Variants in ABR observed in about 807,000 individuals in gnomAD.
The protein encoded by ABR is ABR activator of RhoGEF and GTPase, also known as active breakpoint cluster region-related protein.
ABR carries 35 observed loss-of-function variants against 107.2 expected under a neutral mutation model. The observed-to-expected ratio is 0.33, with a 90% CI of 0.25 to 0.43. ABR has a LOEUF of 0.43. Among genes scored for constraint, ABR ranks in the 20% least tolerant of loss-of-function variants. The probability of loss-of-function intolerance (pLI) is 1.00; values close to 1 mark genes in which losing one functional copy is unlikely to be tolerated. For synonymous variants in ABR, 498 were observed against 462.0 expected (o/e 1.08, Z -1.00); for missense variants, 815 against 1,115.2 (o/e 0.73, Z 3.83).
Position 1,010,630 on chromosome 17 carries a change from A to T in ABR, c.2236+99T>A, listed in dbSNP as rs890947766. ...AGTGCACTGGGAAGGTCAGCCAGCAAAGGAAGCCACAGATATTTCTCCTGC... is the reference window on the plus strand; with the variant it reads ...AGTGCACTGGGAAGGTCAGCCAGCATAGGAAGCCACAGATATTTCTCCTGC... On this transcript the variant is annotated intron_variant, in intron 20 of 22. Transcript: ENST00000302538. The surrounding 1 kb of genome is among the most constrained non-coding windows in gnomAD (Gnocchi z 4.1). 2 of 1,515,536 alleles carry T rather than the reference A, an allele frequency of 1.3e-6. No homozygotes were observed. Among genetic ancestry groups the T allele is most frequent in the African/African-American group, 2.7e-5 (2 of 72,980 alleles). 93.9% of individuals were successfully genotyped at this position (1,515,536 alleles called of 1,614,324 possible). A position where few individuals can be genotyped will look rare whatever the true frequency, so the allele number is the denominator to read the frequency against.
At chr17:1,161,560 T>C (rs1454408076) in intron 1 of ABR, among the ~76,000 whole-genome samples, 1 of 150,976 alleles carries the variant, frequency 6.6e-6, no homozygotes, top group African/African-American at 2.4e-5. Flanking sequence ...TCACTATTTT[T>C]TTTTTTTTTT....
intron 3 of ABR, 59 bp downstream of exon 3, chr17:1,100,578 T>A: frequency 6.6e-7 from 1 of 1,519,634 alleles, no homozygotes; most frequent in South Asian, 1.1e-5. Context: ...CTTCAGAGCA[T>A]GACATCACCC....
chr17:1,135,844 C>G (rs1395688018), intron 1 of ABR, among the ~76,000 whole-genome samples: 1 of 151,876 alleles, frequency 6.6e-6, no homozygotes, highest in Admixed American at 6.6e-5. Context: ...CCACTGCACT[C>G]CAGCCTGGGT....
Position 1,012,796 on chromosome 17 carries a change from A to G in ABR, c.1853T>C (p.Ile618Thr). ...GAATTTCATGGAAAATTCCACTTTG[A>G]TCTGGTTGGGGGGTGAGGCAGGTAA... The part of the protein sequence containing the change: ...WHTDVIEMNG[I>T]KVEFSMKFTS... Residue 618 changes from isoleucine (I) to threonine (T), a missense_variant and splice_region_variant, in exon 18 of 23, where the codon ATC becomes ACC. By Grantham distance (89) the Ile-to-Thr change is moderately conservative. This residue lies in a region of ABR where 92 missense variants were observed against 82.3 expected (regional missense o/e 1.12). Transcript: ENST00000302538. The G allele has an allele frequency of 6.3e-7, 1 of 1,577,824 alleles. No homozygotes were observed. The highest frequency in any genetic ancestry group is 1.2e-5 in the South Asian group (1 of 86,458).
intron 13 of ABR, 146 bp from the exon 14 acceptor site, chr17:1,056,255 C>A: frequency 1.4e-6 from 1 of 715,604 alleles, no homozygotes; most frequent in South Asian, 1.7e-5. Context: ...GAAAAAGTTT[C>A]CGAAGGCCAC....
chr17:1,189,114 C>T (rs62087711), upstream of ABR, among the ~76,000 whole-genome samples: 1,298 of 152,266 alleles, frequency 8.5e-3, 13 homozygotes, highest in Middle Eastern at 0.078. Context: ...ACACATGACT[C>T]GTGTTCTCCC....
At chr17:1,032,961 T>C (rs1167016995) in intron 16 of ABR, among the ~76,000 whole-genome samples, 1 of 152,138 alleles carries the variant, frequency 6.6e-6, no homozygotes, top group Non-Finnish European at 1.5e-5. Flanking sequence ...TCTTGTCATG[T>C]TGGTGTTACT....
At chr17:1,082,564 G>T (rs763238006) in intron 5 of ABR, among the ~76,000 whole-genome samples, 1 of 151,064 alleles carries the variant, frequency 6.6e-6, no homozygotes, top group Non-Finnish European at 1.5e-5. Flanking sequence ...GCGTGTTCCC[G>T]GCCAGGGATT....
chr17:1,045,702 C>T (rs1453364349), intron 16 of ABR, among the ~76,000 whole-genome samples: 2 of 152,168 alleles, frequency 1.3e-5, no homozygotes, highest in African/African-American at 4.8e-5. Context: ...GTCCTGGGCT[C>T]GCTTATGTGT....
At chr17:1,140,129 G>C (rs1004124453) in intron 1 of ABR, among the ~76,000 whole-genome samples, 17 of 152,198 alleles carry the variant, frequency 1.1e-4, no homozygotes, top group Non-Finnish European at 2.5e-4. Context: ...TGTGGAACGG[G>C]GCAAACCGCC....
chr17:1,009,303 A>C (rs989033977), intron 21 of ABR, among the ~76,000 whole-genome samples: 35 of 141,430 alleles, frequency 2.5e-4, no homozygotes, highest in Non-Finnish European at 4.0e-4. Context: ...TGCATCTAGA[A>C]ATGGCTACAT....
chr17:1,026,747 C>T (rs141241769), intron 16 of ABR, among the ~76,000 whole-genome samples: 2,072 of 152,330 alleles, frequency 0.014, 53 homozygotes, highest in African/African-American at 0.047. Context: ...AAACATCTTC[C>T]TGCCCCAGCA....
chr17:1,137,425 T>G (rs944414972), intron 1 of ABR, among the ~76,000 whole-genome samples: 1 of 68,478 alleles, frequency 1.5e-5, no homozygotes, highest in East Asian at 1.3e-3. Context: ...TGGACTAACT[T>G]GGATATTTTT....
intron 18 of ABR, chr17:1,012,312 A>C (rs774508093): frequency 3.9e-5 from 25 of 638,436 alleles, no homozygotes; most frequent in South Asian, 3.8e-4. Context: ...GAGGTGGGTC[A>C]GGCCTGAGAC....
chr17:1,126,830 C>T (rs981283778), intron 1 of ABR, among the ~76,000 whole-genome samples: 1 of 152,174 alleles, frequency 6.6e-6, no homozygotes, highest in African/African-American at 2.4e-5. Flanking sequence ...TACGCCAGCA[C>T]CCACAACCCC....
rs897049524 is a variant in ABR, at chr17:1,049,829, C to T, written c.1791+221G>A. ...GCTGGTTGTTTCCATCTTGCAGAAG[C>T]GCAGATGACCCACCTGAGGAGCCAC... On this transcript the variant is annotated intron_variant, in intron 16 of 22. Transcript: ENST00000302538. Among the ~76,000 whole-genome samples the T allele has an allele frequency of 5.9e-5, 9 of 152,332 alleles. No homozygotes were observed. In the South Asian group the frequency reaches 1.7e-3, roughly 28 times the overall value.
chr17:1,075,879 T>C (rs926583008), intron 6 of ABR, among the ~76,000 whole-genome samples: 2 of 152,030 alleles, frequency 1.3e-5, no homozygotes, highest in Non-Finnish European at 2.9e-5. Flanking sequence ...CCATCTCTAC[T>C]AAAAATACAA....
At chr17:1,030,443 G>A (rs552631995) in intron 16 of ABR, among the ~76,000 whole-genome samples, 1 of 152,336 alleles carries the variant, frequency 6.6e-6, no homozygotes, top group South Asian at 2.1e-4. Context: ...ACAGACAGCT[G>A]CCTCAGCACA....
At chr17:1,142,458 G>A (rs1283282718) in intron 1 of ABR, among the ~76,000 whole-genome samples, 1 of 152,026 alleles carries the variant, frequency 6.6e-6, no homozygotes, top group African/African-American at 2.4e-5. Context: ...GGTGACAGAT[G>A]TCTGTAATCC....
Sources: gnomAD v4.1 joint callset for allele counts (sites outside exome capture counted in the v4.1 genomes callset) on GRCh38, gnomAD v4.1.1 for gene constraint, gnomAD v4.1.1 regional missense constraint, Gnocchi (gnomAD v3.1) non-coding constraint, MANE v1.5 for transcripts, NCBI Gene and HGNC (gene_info 2026-07-23, HGNC 2026-07-21) for gene names.